Variants in MFSD1 observed in about 807,000 individuals in gnomAD.
MFSD1 encodes major facilitator superfamily domain containing 1.
Under a neutral mutation model 67.1 loss-of-function variants are expected in MFSD1, and 59 were observed. The ratio of observed to expected loss-of-function variants is 0.88; its 90% CI spans 0.71 to 1.09. The LOEUF (loss-of-function observed/expected upper bound fraction) is 1.09. MFSD1 is among the 50% of genes least tolerant of loss of function. The pLI is 0.00. For missense variants in MFSD1, 552 were observed against 566.1 expected (o/e 0.97, Z 0.25); for synonymous variants, 213 against 200.3 (o/e 1.06, Z -0.54).
intron 6 of MFSD1, among the ~76,000 whole-genome samples, chr3:158,810,810 T>C (rs1162156818): frequency 1.3e-5 from 2 of 152,244 alleles, no homozygotes; most frequent in Admixed American, 6.5e-5. Context: ...AACAGCTAAA[T>C]ATTTGAATTT....
intron 5 of MFSD1, 25 bp from the exon 6 acceptor site, chr3:158,809,154 T>G (rs77840639): frequency 1.5e-6 from 1 of 652,564 alleles, no homozygotes; most frequent in Non-Finnish European, 2.2e-6. Flanking sequence ...TGACTTCTGG[T>G]TTTTTTTTTT....
intron 5 of MFSD1, 169 bp from the exon 6 acceptor site, chr3:158,809,010 A>G (rs1030203639): frequency 1.4e-5 from 7 of 509,770 alleles, no homozygotes; most frequent in African/African-American, 1.4e-4. Flanking sequence ...CATTTCCACC[A>G]TATTCTATTG....
At position 158,809,553 on chromosome 3, in the gene MFSD1, C is replaced by T. The variant is rs116832858; in HGVS notation, c.549+266C>T. ...GGAGAGATCCTGTAAGTTTTGTTGT[C>T]TAATTTCTTACCCATTTTTGGCATC... On this transcript the variant is annotated intron_variant, in intron 6 of 15. Transcript: ENST00000415822. Among the ~76,000 whole-genome samples the T allele has an allele frequency of 8.9e-3, 1,360 of 152,164 alleles. 13 individuals are homozygous for T. The highest frequency in any genetic ancestry group is 0.015 in the Non-Finnish European group (1,038 of 67,998).
chr3:158,820,694 A>G (rs1191867482), intron 9 of MFSD1, among the ~76,000 whole-genome samples: 5 of 152,172 alleles, frequency 3.3e-5, no homozygotes, highest in Admixed American at 6.5e-5. Context: ...CTTCATTCAC[A>G]TGGTGGCAGG....
Position 158,807,415 on chromosome 3 carries a change from G to T in MFSD1, c.392G>T (p.Gly131Val). 1 of 1,612,974 alleles carries T rather than the reference G, an allele frequency of 6.2e-7. No individual in the cohort carries two copies. Among genetic ancestry groups the T allele is most frequent in the Non-Finnish European group, 8.5e-7 (1 of 1,179,312 alleles). The change falls in exon 5 of 16, where the codon GGA becomes GTA. Residue 131 changes from glycine (G) to valine (V), a missense_variant. Gly to Val is a moderately radical substitution (Grantham distance 109, BLOSUM62 -3). Transcript: ENST00000415822. ...CIGQVVFALG[G>V]IFNAFWLMEF... ...TTATAGGTTGTTTTTGCCCTGGGTG[G>T]AATATTTAATGCTTTTTGGCTGATG...
intron 6 of MFSD1, among the ~76,000 whole-genome samples, chr3:158,813,187 AC>A (rs1409300672): frequency 7.0e-6 from 1 of 143,142 alleles, no homozygotes; most frequent in Non-Finnish European, 1.5e-5. Flanking sequence ...TTGCTCTGTC[AC>A]CCAGGCTAGA....
chr3:158,829,165 T>C lies in MFSD1; in HGVS notation c.*183T>C. ...CCTGTTTTAGCCTGTGTCTTTTGTATTGTGTGTTGCTAAAGAATTCTACTT... is the reference window on the plus strand; with the variant it reads ...CCTGTTTTAGCCTGTGTCTTTTGTACTGTGTGTTGCTAAAGAATTCTACTT... On this transcript the variant is annotated 3_prime_UTR_variant, in exon 16 of 16. Coordinates refer to ENST00000415822, the MANE Select transcript of MFSD1 (RefSeq NM_022736.4). 1 of 428,740 alleles carries C rather than the reference T, an allele frequency of 2.3e-6. No homozygotes were observed. The highest frequency in any genetic ancestry group is 4.4e-5 in the Admixed American group (1 of 22,582). 26.6% of individuals were successfully genotyped at this position (428,740 alleles called of 1,614,324 possible).
intron 13 of MFSD1, chr3:158,824,446 G>A: frequency 2.2e-6 from 1 of 464,988 alleles, no homozygotes; most frequent in Admixed American, 4.0e-5. Flanking sequence ...TTCATATTCT[G>A]TTTTAACTAT....
intron 13 of MFSD1, 134 bp from the exon 14 acceptor site, chr3:158,825,881 G>T (rs1730940507): frequency 1.1e-5 from 8 of 697,518 alleles, no homozygotes. Context: ...AAAATAATGG[G>T]AATAATATTT....
chr3:158,802,091 G>T lies in MFSD1; in HGVS notation c.-62G>T. The T allele has an allele frequency of 2.5e-6, 4 of 1,586,804 alleles. No individual in the cohort carries two copies. The highest frequency in any genetic ancestry group is 1.8e-4 in the Middle Eastern group (1 of 5,422). Reference sequence around the variant, plus strand: ...GCCGTCTTGACAGTGTTCCACGGGCGCTGCTTCCTGCCTGGGTTTGGAGTT... The same window carrying T: ...GCCGTCTTGACAGTGTTCCACGGGCTCTGCTTCCTGCCTGGGTTTGGAGTT... On this transcript the variant is annotated 5_prime_UTR_variant, in exon 1 of 16. Transcript: ENST00000415822.
In MFSD1 at chr3:158,811,780, A is replaced by G. The variant is rs559472204; in HGVS notation, c.550-2185A>G. 8.5e-5 allele frequency among the ~76,000 whole-genome samples: 13 copies of G among 152,364 alleles called. No individual in the cohort carries two copies. In the South Asian group the frequency reaches 2.5e-3, roughly 29 times the overall value. ...CACAGCAAATACAGTAGCAAATTTC[A>G]CATGGCTGTTTCTTATAAAATACTA... On this transcript the variant is annotated intron_variant, in intron 6 of 15. Coordinates refer to ENST00000415822, the MANE Select transcript of MFSD1 (RefSeq NM_022736.4).
intron 15 of MFSD1, among the ~76,000 whole-genome samples, chr3:158,828,438 G>T (rs1731124981): frequency 6.6e-6 from 1 of 151,934 alleles, no homozygotes; most frequent in Non-Finnish European, 1.5e-5. Context: ...ATAATCAGAA[G>T]TATGAGTTTT....
intron 1 of MFSD1, among the ~76,000 whole-genome samples, chr3:158,803,428 G>T (rs1266639701): frequency 1.3e-5 from 2 of 151,936 alleles, no homozygotes; most frequent in Non-Finnish European, 2.9e-5. Context: ...ATCCTTAAAA[G>T]AGATTAAAGC....
chr3:158,805,425 G>GT lies in MFSD1; in HGVS notation c.284dup (p.Leu95PhefsTer23). The stretch of plus-strand genomic sequence containing the variant: ...TGCCTGGTATTCTTGGCCCAATGTA[G>GT]TTTTGTGTTTCTTTGGTGGCTTTTT... On this transcript the variant is annotated frameshift_variant, in exon 3 of 16. Transcript: ENST00000415822. LOFTEE classifies it high-confidence loss of function. 6 of 1,614,062 alleles carry GT rather than the reference G, an allele frequency of 3.7e-6. No individual in the cohort carries two copies. Among genetic ancestry groups the GT allele is most frequent in the Non-Finnish European group, 5.1e-6 (6 of 1,179,964 alleles).
At chr3:158,826,564 C>T (rs367820034) in intron 14 of MFSD1, among the ~76,000 whole-genome samples, 4 of 151,282 alleles carry the variant, frequency 2.6e-5, no homozygotes. Flanking sequence ...ATTTTTCTAA[C>T]TGCTTGCTCC....
Position 158,810,676 on chromosome 3 carries a change from C to T in MFSD1, c.549+1389C>T, listed in dbSNP as rs150902272. On this transcript the variant is annotated intron_variant, in intron 6 of 15. Transcript: ENST00000415822. ...TCTGAGGACTATTGAGAGATATTTC[C>T]GCATTATCATTCCAGAGACGTTTAC... Among the ~76,000 whole-genome samples the T allele has an allele frequency of 2.5e-4, 38 of 152,244 alleles. No individual in the cohort carries two copies. In the East Asian group the frequency reaches 4.6e-3, roughly 19 times the overall value.
rs529488331 is a variant in MFSD1, at chr3:158,817,454, A to C, written c.653-2195A>C. Among the ~76,000 whole-genome samples the C allele has an allele frequency of 7.2e-5, 11 of 152,346 alleles. No individual in the cohort carries two copies. In the East Asian group the frequency reaches 1.9e-3, roughly 27 times the overall value. On this transcript the variant is annotated intron_variant, in intron 7 of 15. Transcript: ENST00000415822. ...ATTTCAAGCATTCTTATACACCAAT[A>C]ACAGACAAACAGAGAGCCAAATCAT...
intron 12 of MFSD1, 92 bp from the exon 13 acceptor site, chr3:158,824,032 G>T: frequency 1.1e-6 from 1 of 877,224 alleles, no homozygotes; most frequent in South Asian, 1.5e-5. Context: ...AATAGTATAT[G>T]GTTCACAGAT....
intron 5 of MFSD1, 116 bp downstream of exon 5, chr3:158,807,579 A>G: frequency 2.5e-6 from 2 of 793,200 alleles, no homozygotes; most frequent in African/African-American, 1.7e-5. Flanking sequence ...TTTGAAACCT[A>G]GCTTCATATG....
Sources: allele counts gnomAD v4.1 joint callset (sites outside exome capture counted in the v4.1 genomes callset), GRCh38; gene constraint gnomAD v4.1.1; transcripts MANE v1.5; gene names NCBI Gene and HGNC (gene_info 2026-07-23, HGNC 2026-07-21).